APC: variants seen among roughly 807,000 people sequenced by gnomAD.
APC encodes APC regulator of Wnt signaling pathway, also known as adenomatous polyposis coli protein.
Under a neutral mutation model 247.0 loss-of-function variants are expected in APC, and 72 were observed. That is an observed-to-expected ratio of 0.29 (90% CI 0.24 to 0.35). The LOEUF (loss-of-function observed/expected upper bound fraction) is 0.35, where lower values mean the gene tolerates loss of function less well. Among genes scored for constraint, APC ranks in the 10% least tolerant of loss-of-function variants. The pLI is 1.00. For synonymous variants in APC, 1,254 were observed against 1,162.5 expected (o/e 1.08, Z -1.60); for missense variants, 3,400 against 3,360.7 (o/e 1.01, Z -0.29).
At chr5:112,799,603 G>A (rs1356287128) in intron 7 of APC, among the ~76,000 whole-genome samples, 2 of 152,002 alleles carry the variant, frequency 1.3e-5, no homozygotes, top group Admixed American at 6.6e-5. Context: ...AAATTTACTT[G>A]CAACTTTATC....
rs1263911481 is a variant in APC at position 112,843,629 on chromosome 5, A to T, written c.8035A>T (p.Thr2679Ser). Residue 2679 changes from threonine (T) to serine (S), a missense_variant, in exon 16 of 16, where the codon ACT becomes TCT. Around this residue, in one of 9 missense-constraint regions of APC, gnomAD observed 1,788 missense variants for 1,649.5 expected, o/e 1.08. Transcript: ENST00000257430. The surrounding 1 kb of genome is among the most constrained non-coding windows in gnomAD (Gnocchi z 4.8). ...ATCTGGAAGATCTCCCACAGGTAAT[A>T]CTCCCCCGGTGATTGACAGTGTTTC... The part of the protein sequence containing the change: ...PRSGRSPTGN[T>S]PPVIDSVSEK... 5 of 1,613,706 alleles carry T rather than the reference A, an allele frequency of 3.1e-6. No individual in the cohort carries two copies. The highest frequency in any genetic ancestry group is 4.2e-6 in the Non-Finnish European group (5 of 1,179,758).
intron 4 of APC, among the ~76,000 whole-genome samples, chr5:112,772,673 C>T (rs532736461): frequency 1.3e-5 from 2 of 151,978 alleles, no homozygotes; most frequent in Non-Finnish European, 2.9e-5. Context: ...TCTGCCACAG[C>T]GCCCAGCTAA....
rs536223189 is a variant in APC at position 112,838,121 on chromosome 5, A to G, written c.2527A>G (p.Ser843Gly). The change falls in exon 16 of 16, where the codon AGT (serine) becomes GGT (glycine). Residue 843 changes from serine to glycine, a missense_variant. Transcript: ENST00000257430. ...CTCTTCATCAAGAGGAAGCTTAGAT[A>G]GTTCTCGTTCTGAAAAAGATAGAAG... ...SSSSSRGSLDSSRSEKDRSLE... is the reference protein window; with the variant it reads ...SSSSSRGSLDGSRSEKDRSLE... 46 of 1,614,216 alleles carry G rather than the reference A, an allele frequency of 2.8e-5. 3 individuals carry two copies. In the South Asian group the frequency reaches 4.9e-4, roughly 17 times the overall value.
At position 112,820,559 on chromosome 5, in the gene APC, A is replaced by C. The variant is rs1180937933; in HGVS notation, c.1312+1215A>C. Reference sequence around the variant, plus strand: ...TATTTGTCCTGGGGTGAGGGGAACTAGTAAGATTTTACTGGGAGAACATTG... The same window carrying C: ...TATTTGTCCTGGGGTGAGGGGAACTCGTAAGATTTTACTGGGAGAACATTG... On this transcript the variant is annotated intron_variant, in intron 10 of 15. Coordinates refer to ENST00000257430, the MANE Select transcript of APC (RefSeq NM_000038.6). Among the ~76,000 whole-genome samples, 6 of 152,310 alleles carry C rather than the reference A, an allele frequency of 3.9e-5. No individual in the cohort carries two copies. The South Asian group carries it at 1.2e-3, about 32-fold the overall frequency.
At chr5:112,729,670 T>G (rs770579105) in intron 1 of APC, among the ~76,000 whole-genome samples, 2 of 152,216 alleles carry the variant, frequency 1.3e-5, no homozygotes, top group Non-Finnish European at 1.5e-5. Flanking sequence ...GCTCATGTCA[T>G]TACATTGGGT....
chr5:112,755,984 T>C (rs1199401762), intron 2 of APC, among the ~76,000 whole-genome samples: 1 of 151,294 alleles, frequency 6.6e-6, no homozygotes, highest in African/African-American at 2.4e-5. Context: ...AAAAAAAAAA[T>C]CTTCCTGCTT....
In APC at chr5:112,845,138, G is replaced by C. The variant is rs1322468112; in HGVS notation, c.*1012G>C. ...TACTGTAATAAAAACAATTGAAGAA[G>C]ACTGTTGCCACTTAACCATTCCATG... is the stretch of plus-strand genomic sequence containing the variant. On this transcript the variant is annotated 3_prime_UTR_variant, in exon 16 of 16. Coordinates refer to ENST00000257430, the MANE Select transcript of APC (RefSeq NM_000038.6). 2 of 232,292 alleles carry C rather than the reference G, an allele frequency of 8.6e-6. No homozygotes were observed. Among genetic ancestry groups the C allele is most frequent in the African/African-American group, 4.4e-5 (2 of 45,292 alleles). The allele number at this position is 232,292 out of a possible 1,614,324, so 14.4% of individuals were successfully genotyped here.
chr5:112,709,416 T>C (rs1161720551), intron 1 of APC, among the ~76,000 whole-genome samples: 1 of 152,222 alleles, frequency 6.6e-6, no homozygotes, highest in Non-Finnish European at 1.5e-5. Flanking sequence ...GTTCATTCGT[T>C]GCTAGCCTTC....
chr5:112,707,578 C>T lies in APC; in HGVS notation c.-140C>T, dbSNP rs775297664. 9 of 892,226 alleles carry T rather than the reference C, an allele frequency of 1.0e-5. No homozygotes were observed. Among genetic ancestry groups the T allele is most frequent in the South Asian group, 1.6e-5 (1 of 63,344 alleles). 55.3% of individuals were successfully genotyped at this position (892,226 alleles called of 1,614,324 possible). On this transcript the variant is annotated 5_prime_UTR_variant, in exon 1 of 14. Coordinates refer to the APC transcript ENST00000507379. ...GGGGTGTGGCCGCCGGAAGCCTAGCCGCTGCTCGGGGGGGACCTGCGGGCT... is the reference window on the plus strand; with the variant it reads ...GGGGTGTGGCCGCCGGAAGCCTAGCTGCTGCTCGGGGGGGACCTGCGGGCT...
rs1304940708 is a variant in APC at position 112,838,554 on chromosome 5, C to G, written c.2960C>G (p.Ser987Cys). Residue 987 changes from serine to cysteine, a missense_variant, in exon 16 of 16, where the codon TCT (serine) becomes TGT (cysteine). By Grantham distance (112) the Ser-to-Cys change is moderately radical (BLOSUM62 -1). Around this residue, in one of 9 missense-constraint regions of APC, gnomAD observed 715 missense variants for 656.6 expected, o/e 1.09. Coordinates refer to ENST00000257430, the MANE Select transcript of APC (RefSeq NM_000038.6). ...GQMKPSIESY[S>C]EDDESKFCSY... Reference sequence around the variant, plus strand: ...ATGAAACCCTCGATTGAATCCTATTCTGAAGATGATGAAAGTAAGTTTTGC... The same window carrying G: ...ATGAAACCCTCGATTGAATCCTATTGTGAAGATGATGAAAGTAAGTTTTGC... The G allele has an allele frequency of 6.2e-7, 1 of 1,614,170 alleles. No individual in the cohort carries two copies. The highest frequency in any genetic ancestry group is 8.5e-7 in the Non-Finnish European group (1 of 1,180,034).
chr5:112,793,089 G>T (rs1427736694), intron 7 of APC, among the ~76,000 whole-genome samples: 1 of 151,892 alleles, frequency 6.6e-6, no homozygotes, highest in East Asian at 1.9e-4. Context: ...AGTAAAAAAG[G>T]GTTAAAAGCA....
rs1450157301 is a variant in APC, at chr5:112,828,995, C to G, written c.1743+23C>G. 2.6e-6 allele frequency: 4 copies of G among 1,519,618 alleles called. No homozygotes were observed. In the Admixed American group the frequency reaches 6.7e-5, roughly 25 times the overall value. 94.1% of individuals were successfully genotyped at this position (1,519,618 alleles called of 1,614,324 possible). A position where few individuals can be genotyped will look rare whatever the true frequency, so the allele number is the denominator to read the frequency against. On this transcript the variant is annotated intron_variant, in intron 14 of 15. Transcript: ENST00000257430. ...AAGGTACCTTTGAAAACATTTAGTACTATAATATGAATTTCATGTTTGGCT... is the reference window on the plus strand; with the variant it reads ...AAGGTACCTTTGAAAACATTTAGTAGTATAATATGAATTTCATGTTTGGCT...
intron 11 of APC, among the ~76,000 whole-genome samples, chr5:112,826,444 T>G (rs1263061907): frequency 3.3e-5 from 5 of 152,058 alleles, no homozygotes; most frequent in African/African-American, 1.2e-4. Context: ...GCATTTTCAG[T>G]GGAAAGAATC....
chr5:112,763,002 A>G (rs1755836348), intron 2 of APC, among the ~76,000 whole-genome samples: 1 of 152,234 alleles, frequency 6.6e-6, no homozygotes, highest in Non-Finnish European at 1.5e-5. Flanking sequence ...AACTCAAAGC[A>G]CTTACAAAAG....
At chr5:112,746,236 T>G (rs1051358410) in intron 1 of APC, among the ~76,000 whole-genome samples, 1 of 152,016 alleles carries the variant, frequency 6.6e-6, no homozygotes, top group South Asian at 2.1e-4. Context: ...TAAAATACTT[T>G]AAAAAAATCT....
At chr5:112,738,582 C>T (rs1752609090) in intron 1 of APC, 1 of 792,072 alleles carries the variant, frequency 1.3e-6, no homozygotes, top group Non-Finnish European at 1.5e-6. Context: ...ATACCAGTGT[C>T]TTTGTTAGTT....
chr5:112,738,894 G>T (rs1026368625), intron 1 of APC, among the ~76,000 whole-genome samples: 1 of 152,156 alleles, frequency 6.6e-6, no homozygotes, highest in Non-Finnish European at 1.5e-5. Context: ...AATCCTATAC[G>T]AAATCTTAAT....
At chr5:112,768,251 C>T (rs545304079) in intron 4 of APC, among the ~76,000 whole-genome samples, 4 of 151,702 alleles carry the variant, frequency 2.6e-5, no homozygotes, top group African/African-American at 9.7e-5. Flanking sequence ...CCATGTTGGT[C>T]AGGCTAGTCT....
chr5:112,752,685 A>G (rs1754509407), intron 1 of APC, among the ~76,000 whole-genome samples: 1 of 152,358 alleles, frequency 6.6e-6, no homozygotes, highest in African/African-American at 2.4e-5. Flanking sequence ...ATTCCAAAGT[A>G]AATTTATGAC....
Sources: allele counts gnomAD v4.1 joint callset (sites outside exome capture counted in the v4.1 genomes callset), GRCh38; gene constraint gnomAD v4.1.1; regional missense constraint gnomAD v4.1.1; non-coding constraint Gnocchi (gnomAD v3.1); transcripts MANE v1.5; gene names NCBI Gene and HGNC (gene_info 2026-07-23, HGNC 2026-07-21).